NRXN1: variants seen among roughly 807,000 people sequenced by gnomAD.
NRXN1 encodes the protein neurexin 1, also known as neurexin-1.
Under a neutral mutation model 150.9 loss-of-function variants are expected in NRXN1, and 39 were observed. That is an observed-to-expected ratio of 0.26 (90% CI 0.20 to 0.34). NRXN1 has a LOEUF of 0.34. Among genes scored for constraint, NRXN1 ranks in the 10% least tolerant of loss-of-function variants. The pLI is 1.00. For synonymous variants in NRXN1, 924 were observed against 757.0 expected (o/e 1.22, Z -3.62); for missense variants, 1,815 against 1,949.9 (o/e 0.93, Z 1.30).
intron 18 of NRXN1, among the ~76,000 whole-genome samples, chr2:50,100,903 G>A (rs1700891951): frequency 6.6e-6 from 1 of 151,948 alleles, no homozygotes; most frequent in Non-Finnish European, 1.5e-5. Flanking sequence ...CAAGAAAGAG[G>A]CATTGACTTG....
intron 22 of NRXN1, among the ~76,000 whole-genome samples, chr2:49,940,551 G>C (rs1273950176): frequency 6.6e-6 from 1 of 152,110 alleles, no homozygotes; most frequent in Non-Finnish European, 1.5e-5. Flanking sequence ...ACATTATTCA[G>C]ACTTAAACAG....
chr2:50,256,328 G>T (rs1451490928), intron 17 of NRXN1, among the ~76,000 whole-genome samples: 5 of 152,130 alleles, frequency 3.3e-5, no homozygotes, highest in African/African-American at 1.2e-4. Flanking sequence ...ACAATAGTTG[G>T]TTGGCTACAT....
At chr2:50,857,408 T>C (rs1160991299) in intron 5 of NRXN1, among the ~76,000 whole-genome samples, 1 of 152,036 alleles carries the variant, frequency 6.6e-6, no homozygotes, top group African/African-American at 2.4e-5. Context: ...TGTGGTTGAT[T>C]TGAGGTGTGA....
intron 17 of NRXN1, among the ~76,000 whole-genome samples, chr2:50,418,611 T>G (rs1202739705): frequency 6.6e-6 from 1 of 152,030 alleles, no homozygotes; most frequent in African/African-American, 2.4e-5. Context: ...TTTTAAAATT[T>G]TCATTAAAAG....
intron 17 of NRXN1, among the ~76,000 whole-genome samples, chr2:50,386,757 T>C (rs2081355334): frequency 6.6e-6 from 1 of 152,134 alleles, no homozygotes; most frequent in African/African-American, 2.4e-5. Context: ...GTGTGATCTG[T>C]GTAGTGAGAA....
chr2:50,210,827 T>G (rs2152843606), intron 18 of NRXN1, among the ~76,000 whole-genome samples: 1 of 151,542 alleles, frequency 6.6e-6, no homozygotes, highest in South Asian at 2.1e-4. Flanking sequence ...TATTATATGT[T>G]TATATCAAGA....
At chr2:50,893,379 T>C (rs965869539) in intron 5 of NRXN1, among the ~76,000 whole-genome samples, 1 of 152,184 alleles carries the variant, frequency 6.6e-6, no homozygotes, top group African/African-American at 2.4e-5. Flanking sequence ...GGGGCTTTCA[T>C]ATAATGAAAC....
intron 5 of NRXN1, among the ~76,000 whole-genome samples, chr2:50,683,107 T>C (rs1690652990): frequency 6.6e-6 from 1 of 152,132 alleles, no homozygotes; most frequent in South Asian, 2.1e-4. Flanking sequence ...TGAAGGTCTC[T>C]ATCCTGCAAT....
At chr2:50,284,055 C>G (rs1265273679) in intron 17 of NRXN1, among the ~76,000 whole-genome samples, 1 of 152,152 alleles carries the variant, frequency 6.6e-6, no homozygotes, top group Admixed American at 6.6e-5. Flanking sequence ...TGATGCATCA[C>G]AAATGGTATT....
intron 5 of NRXN1, among the ~76,000 whole-genome samples, chr2:50,840,690 T>C (rs925176581): frequency 1.3e-5 from 2 of 152,150 alleles, no homozygotes; most frequent in African/African-American, 4.8e-5. Context: ...AGTAAAATTC[T>C]TCCTACTTTA....
intron 19 of NRXN1, among the ~76,000 whole-genome samples, chr2:50,062,492 G>C (rs1036217225): frequency 1.3e-5 from 2 of 152,006 alleles, no homozygotes; most frequent in South Asian, 4.2e-4. Flanking sequence ...TATTATCATT[G>C]CCCAAATGGA....
intron 5 of NRXN1, among the ~76,000 whole-genome samples, chr2:50,796,293 T>C (rs1706813890): frequency 6.6e-6 from 1 of 152,148 alleles, no homozygotes; most frequent in Non-Finnish European, 1.5e-5. Flanking sequence ...AAGGAACTCA[T>C]AAATGAGACA....
intron 17 of NRXN1, among the ~76,000 whole-genome samples, chr2:50,241,616 T>C (rs998338964): frequency 1.3e-5 from 2 of 151,836 alleles, no homozygotes; most frequent in South Asian, 4.1e-4. Flanking sequence ...AAGCTGGCTC[T>C]ATCAGACACA....
rs765695915 is a variant in NRXN1, at chr2:49,921,928, A to G, written c.*16T>C. On this transcript the variant is annotated 3_prime_UTR_variant, in exon 23 of 23. Coordinates refer to ENST00000401669, the MANE Select transcript of NRXN1 (RefSeq NM_001330078.2). Reference sequence around the variant, plus strand: ...GAAGACTATTTCTATACAAGTGTCCATTTAAGATCTTGGGATCAGACATAA... The same window carrying G: ...GAAGACTATTTCTATACAAGTGTCCGTTTAAGATCTTGGGATCAGACATAA... The G allele has an allele frequency of 9.9e-6, 16 of 1,612,382 alleles. No individual in the cohort carries two copies. The East Asian group carries it at 3.6e-4, about 36-fold the overall frequency.
chr2:50,803,522 A>G (rs1707893311), intron 5 of NRXN1, among the ~76,000 whole-genome samples: 1 of 152,244 alleles, frequency 6.6e-6, no homozygotes, highest in African/African-American at 2.4e-5. Context: ...TTTTCAATGT[A>G]TAAATCGTGC....
rs1341835618 is a variant in NRXN1 at position 50,596,864 on chromosome 2, T to C, written c.1320+23158A>G. ...AGGAACGTGGGAAAATTCCTAGGAC[T>C]TTTTTTTTTTTTTTTTTTTTTTGAC... On this transcript the variant is annotated intron_variant, in intron 8 of 22. Coordinates refer to ENST00000401669, the MANE Select transcript of NRXN1 (RefSeq NM_001330078.2). 1.8e-3 allele frequency among the ~76,000 whole-genome samples: 23 copies of C among 12,900 alleles called. No homozygotes were observed. In the Admixed American group the frequency reaches 0.024, roughly 14 times the overall value. The allele number at this position is 12,900 out of a possible 152,430, so 8.5% of individuals were successfully genotyped here.
intron 21 of NRXN1, among the ~76,000 whole-genome samples, chr2:50,012,936 T>C (rs1685953350): frequency 6.6e-6 from 1 of 152,210 alleles, no homozygotes; most frequent in Non-Finnish European, 1.5e-5. Flanking sequence ...GTGTCCTTCT[T>C]TGCTGTGGCA....
intron 17 of NRXN1, among the ~76,000 whole-genome samples, chr2:50,266,263 T>C (rs978727112): frequency 1.3e-5 from 2 of 149,982 alleles, no homozygotes; most frequent in Non-Finnish European, 1.5e-5. Context: ...CCTCCCAAAA[T>C]GCTGGGATTA....
chr2:50,706,961 TTA>T (rs1283556478), intron 5 of NRXN1, among the ~76,000 whole-genome samples: 2 of 152,140 alleles, frequency 1.3e-5, no homozygotes, highest in East Asian at 3.9e-4. Context: ...AGTAGCCCAT[TTA>T]TCTCATGGTA....
Sources: gnomAD v4.1 joint callset for allele counts (sites outside exome capture counted in the v4.1 genomes callset) on GRCh38, gnomAD v4.1.1 for gene constraint, MANE v1.5 for transcripts, NCBI Gene and HGNC (gene_info 2026-07-23, HGNC 2026-07-21) for gene names.